PDIA5: variants seen among roughly 807,000 people sequenced by gnomAD.
PDIA5 encodes the protein protein disulfide isomerase family A member 5.
Under a neutral mutation model 77.6 loss-of-function variants are expected in PDIA5, and 58 were observed. The ratio of observed to expected loss-of-function variants is 0.75; its 90% confidence interval spans 0.61 to 0.93. PDIA5 has a LOEUF of 0.93. PDIA5 is among the 40% of genes least tolerant of loss of function. The probability of loss-of-function intolerance (pLI) is 0.00; values close to 1 mark genes in which losing one functional copy is unlikely to be tolerated. For synonymous variants in PDIA5, 250 were observed against 252.1 expected (o/e 0.99, Z 0.08); for missense variants, 630 against 647.7 (o/e 0.97, Z 0.30).
At chr3:123,159,775 G>A (rs75272139) in intron 15 of PDIA5, among the ~76,000 whole-genome samples, 3,582 of 152,254 alleles carry the variant, frequency 0.024, 59 homozygotes, top group Admixed American at 0.035. Context: ...AAGCGTGAGG[G>A]TGAGGGGGGT....
intron 15 of PDIA5, among the ~76,000 whole-genome samples, chr3:123,156,181 A>G (rs950709202): frequency 1.3e-5 from 2 of 152,194 alleles, no homozygotes; most frequent in Non-Finnish European, 2.9e-5. Context: ...AGAACTTTAC[A>G]GGGACATAAA....
At chr3:123,134,568 C>G (rs1415369816) in intron 11 of PDIA5, among the ~76,000 whole-genome samples, 2 of 152,172 alleles carry the variant, frequency 1.3e-5, no homozygotes, top group Admixed American at 6.5e-5. Flanking sequence ...CTCTTCCCAG[C>G]ACTCCTGCCA....
intron 1 of PDIA5, among the ~76,000 whole-genome samples, chr3:123,078,931 T>C (rs1933922405): frequency 6.6e-6 from 1 of 152,224 alleles, no homozygotes; most frequent in South Asian, 2.1e-4. Context: ...TCTGCCATGT[T>C]TTCCCACTGT....
chr3:123,145,854 G>T (rs1449156980), intron 12 of PDIA5, among the ~76,000 whole-genome samples: 1 of 152,202 alleles, frequency 6.6e-6, no homozygotes, highest in Non-Finnish European at 1.5e-5. Flanking sequence ...AACAGGAACA[G>T]GTGCCAATCT....
intron 13 of PDIA5, among the ~76,000 whole-genome samples, chr3:123,147,872 A>G (rs1243856308): frequency 2.0e-5 from 3 of 152,124 alleles, no homozygotes; most frequent in Non-Finnish European, 4.4e-5. Flanking sequence ...GGATCTGGCC[A>G]GGTCCCTGTG....
intron 15 of PDIA5, among the ~76,000 whole-genome samples, chr3:123,157,449 C>T (rs1187935462): frequency 6.6e-6 from 1 of 152,134 alleles, no homozygotes; most frequent in Non-Finnish European, 1.5e-5. Flanking sequence ...TCTCCCTTTA[C>T]TCGTGAGGGA....
intron 7 of PDIA5, among the ~76,000 whole-genome samples, chr3:123,115,681 A>T (rs1934978710): frequency 6.6e-6 from 1 of 152,276 alleles, no homozygotes; most frequent in Non-Finnish European, 1.5e-5. Flanking sequence ...GGCCAGAGCC[A>T]GCACTGTTCA....
intron 5 of PDIA5, among the ~76,000 whole-genome samples, chr3:123,104,712 G>T (rs1391416131): frequency 6.6e-6 from 1 of 152,230 alleles, no homozygotes; most frequent in African/African-American, 2.4e-5. Flanking sequence ...AGTGGTAAGG[G>T]CCAGAGGTGC....
At chr3:123,116,379 C>T in intron 8 of PDIA5, 81 bp downstream of exon 8, 9 of 1,060,234 alleles carry the variant, frequency 8.5e-6, no homozygotes, top group Non-Finnish European at 1.3e-5. Flanking sequence ...GGGGTGGGGA[C>T]AGGTTTTGAA....
At chr3:123,158,295 T>C (rs575147129) in intron 15 of PDIA5, among the ~76,000 whole-genome samples, 23 of 152,338 alleles carry the variant, frequency 1.5e-4, no homozygotes, top group African/African-American at 4.8e-4. Flanking sequence ...GAAGAGGTGA[T>C]TGAATCTTAG....
intron 11 of PDIA5, among the ~76,000 whole-genome samples, chr3:123,130,963 TG>T (rs1444496587): frequency 2.6e-5 from 4 of 152,184 alleles, no homozygotes; most frequent in South Asian, 2.1e-4. Flanking sequence ...TAGAACAGAC[TG>T]GGCCTGGAAA....
At chr3:123,075,876 C>A (rs528326905) in intron 1 of PDIA5, among the ~76,000 whole-genome samples, 4 of 152,300 alleles carry the variant, frequency 2.6e-5, no homozygotes, top group African/African-American at 9.6e-5. Context: ...CCAAGTTAAT[C>A]TTATATGGCT....
chr3:123,125,269 G>A (rs1459827911), intron 10 of PDIA5, among the ~76,000 whole-genome samples: 1 of 152,166 alleles, frequency 6.6e-6, no homozygotes, highest in Non-Finnish European at 1.5e-5. Flanking sequence ...CATCTTTTGG[G>A]CTCTCCTTTG....
intron 15 of PDIA5, among the ~76,000 whole-genome samples, chr3:123,155,589 C>T (rs1296466169): frequency 1.3e-5 from 2 of 152,244 alleles, no homozygotes; most frequent in African/African-American, 4.8e-5. Flanking sequence ...GTGGGGGCTT[C>T]TGCTGGGAGA....
intron 3 of PDIA5, among the ~76,000 whole-genome samples, chr3:123,098,767 G>A (rs1340330945): frequency 6.6e-6 from 1 of 152,168 alleles, no homozygotes; most frequent in African/African-American, 2.4e-5. Context: ...GGGGAGTCAG[G>A]TGAGGGTCTT....
At chr3:123,089,145 G>T (rs896054675) in intron 1 of PDIA5, 23 bp from the exon 2 acceptor site, 1 of 1,609,382 alleles carries the variant, frequency 6.2e-7, no homozygotes, top group East Asian at 2.2e-5. Flanking sequence ...GGAACTCACA[G>T]TCGTTGGCTC....
At chr3:123,071,170 A>G (rs1048054768) in intron 1 of PDIA5, among the ~76,000 whole-genome samples, 7 of 152,152 alleles carry the variant, frequency 4.6e-5, no homozygotes, top group African/African-American at 1.4e-4. Flanking sequence ...GATCTGTGAG[A>G]TTCAGAACTG....
rs77880496 is a variant in PDIA5, at chr3:123,081,440, A to G, written c.43-7728A>G. ...GTTCTCTGACCTTGGATTCAGGGCCACATCTGTTTTCTCAGGTCTTCCTCT... is the reference window on the plus strand; with the variant it reads ...GTTCTCTGACCTTGGATTCAGGGCCGCATCTGTTTTCTCAGGTCTTCCTCT... On this transcript the variant is annotated intron_variant, in intron 1 of 16. Coordinates refer to ENST00000316218, the MANE Select transcript of PDIA5 (RefSeq NM_006810.4). Among the ~76,000 whole-genome samples the G allele has an allele frequency of 3.2e-3, 494 of 152,338 alleles. 1 individual carries two copies. The highest frequency in any genetic ancestry group is 0.011 in the African/African-American group (468 of 41,572).
Position 123,124,054 on chromosome 3 carries a change from G to A in PDIA5, c.610-12G>A, listed in dbSNP as rs369143022. The A allele has an allele frequency of 2.6e-5, 42 of 1,597,498 alleles. No homozygotes were observed. Among genetic ancestry groups the A allele is most frequent in the South Asian group, 2.2e-4 (20 of 90,724 alleles). On this transcript the variant is annotated splice_polypyrimidine_tract_variant and intron_variant, in intron 8 of 16. Transcript: ENST00000316218. The stretch of plus-strand genomic sequence containing the variant: ...CACAGGCTCCACACGGCTCTTCTCC[G>A]CTTCCTCCCAGGTGCTGGCCGGGAT...
Sources: gnomAD v4.1 joint callset for allele counts (sites outside exome capture counted in the v4.1 genomes callset) on GRCh38, gnomAD v4.1.1 for gene constraint, MANE v1.5 for transcripts, NCBI Gene and HGNC (gene_info 2026-07-23, HGNC 2026-07-21) for gene names.